The following NCAM2 variants were observed in gnomAD, a reference collection of about 807,000 sequenced individuals.
NCAM2 encodes the protein N-CAM-2.
Under a neutral mutation model 98.1 loss-of-function variants are expected in NCAM2, and 30 were observed. The ratio of observed to expected loss-of-function variants is 0.31; its 90% CI spans 0.23 to 0.41. NCAM2 has a LOEUF of 0.41. Among genes scored for constraint, NCAM2 ranks in the 10% least tolerant of loss-of-function variants. The pLI is 1.00. For missense variants in NCAM2, 867 were observed against 1,005.8 expected (o/e 0.86, Z 1.87); for synonymous variants, 368 against 342.4 (o/e 1.07, Z -0.83).
chr21:21,506,342 C>T (rs1333347081), intron 15 of NCAM2, among the ~76,000 whole-genome samples: 3 of 152,008 alleles, frequency 2.0e-5, no homozygotes, highest in South Asian at 2.1e-4. Flanking sequence ...TATAATCAAA[C>T]ATGTTTCATA....
Position 21,543,072 on chromosome 21 carries a change from T to A in NCAM2, c.*5115T>A, listed in dbSNP as rs1990297345. 1 of 151,890 alleles carries A rather than the reference T, an allele frequency of 6.6e-6. No homozygotes were observed. The highest frequency in any genetic ancestry group is 2.4e-5 in the African/African-American group (1 of 41,402). 9.4% of individuals were successfully genotyped at this position (151,890 alleles called of 1,614,324 possible). A position where few individuals can be genotyped will look rare whatever the true frequency, so the allele number is the denominator to read the frequency against. On this transcript the variant is annotated 3_prime_UTR_variant, in exon 18 of 18. Transcript: ENST00000400546. The stretch of plus-strand genomic sequence containing the variant: ...GCTGTGCTCAGTATGTACTGAAACA[T>A]ACTATCTTTTATTTTCTTTAATTTA...
chr21:21,397,938 G>T (rs1021506765), intron 9 of NCAM2, among the ~76,000 whole-genome samples: 2 of 152,202 alleles, frequency 1.3e-5, no homozygotes, highest in African/African-American at 4.8e-5. Flanking sequence ...TGCCACTACT[G>T]GGTCATTATA....
chr21:21,409,141 T>C (rs2076804768), intron 9 of NCAM2, among the ~76,000 whole-genome samples: 1 of 152,092 alleles, frequency 6.6e-6, no homozygotes, highest in Non-Finnish European at 1.5e-5. Context: ...CATGTAAAAA[T>C]AATTATAAAA....
intron 5 of NCAM2, among the ~76,000 whole-genome samples, chr21:21,316,912 A>G (rs1255999327): frequency 6.6e-6 from 1 of 152,226 alleles, no homozygotes; most frequent in Non-Finnish European, 1.5e-5. Context: ...CCATTAGCAC[A>G]TAAACCCCCC....
At chr21:21,122,641 G>A (rs2066698993) in intron 1 of NCAM2, among the ~76,000 whole-genome samples, 1 of 152,198 alleles carries the variant, frequency 6.6e-6, no homozygotes, top group South Asian at 2.1e-4. Context: ...AGCTGGCTGG[G>A]CCATGGATGG....
At chr21:21,229,885 T>C (rs2070551079) in intron 1 of NCAM2, among the ~76,000 whole-genome samples, 2 of 151,622 alleles carry the variant, frequency 1.3e-5, no homozygotes, top group South Asian at 4.1e-4. Context: ...CTCTGAACTG[T>C]AAATTGGTCA....
rs2073321721 is a variant in NCAM2, at chr21:21,292,192, G to T, written c.570G>T (p.Val190=). The T allele has an allele frequency of 6.2e-7, 1 of 1,610,362 alleles. No individual in the cohort carries two copies. The highest frequency in any genetic ancestry group is 8.5e-7 in the Non-Finnish European group (1 of 1,177,998). Residue 190 remains valine (V), a synonymous_variant, in exon 5 of 18, where the codon GTG becomes GTT. Coordinates refer to ENST00000400546, the MANE Select transcript of NCAM2 (RefSeq NM_004540.5). ...DEGIYRCEGR[V]EARGEIDFRD... is the part of the protein sequence containing the mutation. ...GTATATACAGATGTGAAGGAAGAGT[G>T]GAGGCCAGGGGAGAAATTGACTTCC...
intron 1 of NCAM2, among the ~76,000 whole-genome samples, chr21:21,263,259 C>A (rs771472611): frequency 6.6e-6 from 1 of 151,350 alleles, no homozygotes; most frequent in Non-Finnish European, 1.5e-5. Flanking sequence ...TTTACAACTG[C>A]CACAAAAAAT....
chr21:21,039,010 AAC>A (rs2064851273), intron 1 of NCAM2, among the ~76,000 whole-genome samples: 1 of 152,222 alleles, frequency 6.6e-6, no homozygotes, highest in African/African-American at 2.4e-5. Context: ...TAAGACTTAA[AAC>A]TATAAGATTT....
intron 1 of NCAM2, among the ~76,000 whole-genome samples, chr21:21,032,880 A>G (rs2064714860): frequency 1.3e-5 from 2 of 152,068 alleles, no homozygotes; most frequent in South Asian, 4.1e-4. Context: ...CTTTAGCAAA[A>G]TACTCTGTTT....
chr21:21,052,938 T>C lies in NCAM2; in HGVS notation c.55+54320T>C, dbSNP rs115475224. ...TCATATACTCATTTCTAAGGGTTTGTTTGTTTTTGTATTTTGCTTTGCTTG... is the reference window on the plus strand; with the variant it reads ...TCATATACTCATTTCTAAGGGTTTGCTTGTTTTTGTATTTTGCTTTGCTTG... On this transcript the variant is annotated intron_variant, in intron 1 of 17. Transcript: ENST00000400546. 3.3e-3 allele frequency among the ~76,000 whole-genome samples: 501 copies of C among 152,292 alleles called. 1 individual carries two copies. Among genetic ancestry groups the C allele is most frequent in the African/African-American group, 0.012 (490 of 41,572 alleles).
intron 1 of NCAM2, among the ~76,000 whole-genome samples, chr21:21,193,876 T>C (rs957295176): frequency 2.6e-5 from 4 of 152,166 alleles, no homozygotes; most frequent in African/African-American, 9.7e-5. Flanking sequence ...TTATTTCAAA[T>C]TTTGAGGAGA....
chr21:21,343,674 C>T (rs1390309781), intron 8 of NCAM2, among the ~76,000 whole-genome samples: 1 of 152,118 alleles, frequency 6.6e-6, no homozygotes, highest in Non-Finnish European at 1.5e-5. Flanking sequence ...CACAGAGGGA[C>T]AATTTAAACC....
chr21:21,183,148 T>G (rs1458949505), intron 1 of NCAM2, among the ~76,000 whole-genome samples: 4 of 152,162 alleles, frequency 2.6e-5, no homozygotes, highest in African/African-American at 9.7e-5. Context: ...GTTATATAAA[T>G]TACTTTTTGC....
At chr21:21,305,227 A>G (rs2073844573) in intron 5 of NCAM2, among the ~76,000 whole-genome samples, 1 of 152,188 alleles carries the variant, frequency 6.6e-6, no homozygotes, top group South Asian at 2.1e-4. Flanking sequence ...CTGAGGCATG[A>G]GAATTGCTTG....
chr21:21,535,555 G>A (rs1483436616), intron 17 of NCAM2, among the ~76,000 whole-genome samples: 3 of 151,808 alleles, frequency 2.0e-5, no homozygotes, highest in Non-Finnish European at 4.4e-5. Context: ...TACCCACAAG[G>A]GGCTGAAATA....
At chr21:21,199,181 G>T (rs1317093534) in intron 1 of NCAM2, among the ~76,000 whole-genome samples, 1 of 152,058 alleles carries the variant, frequency 6.6e-6, no homozygotes, top group Non-Finnish European at 1.5e-5. Flanking sequence ...ATATCTCCAG[G>T]ATATTTTTTT....
At position 21,377,607 on chromosome 21, in the gene NCAM2, A is replaced by G. The variant is rs1404763965; in HGVS notation, c.1195+3594A>G. On this transcript the variant is annotated intron_variant, in intron 9 of 17. Coordinates refer to ENST00000400546, the MANE Select transcript of NCAM2 (RefSeq NM_004540.5). Reference sequence around the variant, plus strand: ...ATAATTGTATCCATTTATGGGGTACAATGTAATTTTTGTTATATGTATATA... The same window carrying G: ...ATAATTGTATCCATTTATGGGGTACGATGTAATTTTTGTTATATGTATATA... 1.3e-5 allele frequency among the ~76,000 whole-genome samples: 2 copies of G among 151,936 alleles called. 1 individual carries two copies. Among genetic ancestry groups the G allele is most frequent in the Middle Eastern group, 6.4e-3 (2 of 314 alleles).
intron 1 of NCAM2, among the ~76,000 whole-genome samples, chr21:21,120,975 C>T (rs538343965): frequency 5.9e-5 from 9 of 152,138 alleles, no homozygotes; most frequent in Admixed American, 2.0e-4. Flanking sequence ...CTCAGCCTCC[C>T]GAAATGTTGG....
Sources: gnomAD v4.1 joint callset for allele counts (sites outside exome capture counted in the v4.1 genomes callset) on GRCh38, gnomAD v4.1.1 for gene constraint, MANE v1.5 for transcripts, NCBI Gene and HGNC (gene_info 2026-07-23, HGNC 2026-07-21) for gene names.